Variants in IGSF21 observed in about 807,000 individuals in gnomAD.
The protein encoded by IGSF21 is immunoglobulin superfamily member 21.
IGSF21 carries 28 observed loss-of-function variants against 46.8 expected under a neutral mutation model. The ratio of observed to expected loss-of-function variants is 0.60; its 90% CI spans 0.44 to 0.82. The LOEUF (loss-of-function observed/expected upper bound fraction) is 0.82, where lower values mean the gene tolerates loss of function less well. Among genes scored for constraint, IGSF21 ranks in the 40% least tolerant of loss-of-function variants. The pLI, the probability that IGSF21 is intolerant of heterozygous loss-of-function variation, is 0.00. For missense variants in IGSF21, 624 were observed against 665.5 expected (o/e 0.94, Z 0.69); for synonymous variants, 284 against 273.6 (o/e 1.04, Z -0.38).
chr1:18,376,447 C>T lies in IGSF21; in HGVS notation c.1101+52C>T, dbSNP rs2297735. On this transcript the variant is annotated intron_variant, in intron 7 of 9. Coordinates refer to ENST00000251296, the MANE Select transcript of IGSF21 (RefSeq NM_032880.5). The stretch of plus-strand genomic sequence containing the variant: ...GGGTGGTGGGAGGTGGTAGAGGCAC[C>T]GACCCAGCACCAGCATTCCTGGCAG... The T allele has an allele frequency of 4.6e-4, 575 of 1,259,064 alleles. 4 individuals are homozygous for T. The East Asian group carries it at 0.012, about 27-fold the overall frequency. 78.0% of individuals were successfully genotyped at this position (1,259,064 alleles called of 1,614,324 possible). A position where few individuals can be genotyped will look rare whatever the true frequency, so the allele number is the denominator to read the frequency against.
intron 3 of IGSF21, among the ~76,000 whole-genome samples, chr1:18,304,025 G>A (rs2085387507): frequency 6.6e-6 from 1 of 152,192 alleles, no homozygotes; most frequent in Non-Finnish European, 1.5e-5. Flanking sequence ...GGGGTGGGGT[G>A]TGATGGGGCT....
chr1:18,213,359 A>C (rs552306715), intron 1 of IGSF21, among the ~76,000 whole-genome samples: 1 of 152,286 alleles, frequency 6.6e-6, no homozygotes, highest in African/African-American at 2.4e-5. Context: ...TATCTTATTC[A>C]TATCAGGGCT....
intron 1 of IGSF21, among the ~76,000 whole-genome samples, chr1:18,133,330 G>A (rs1017621835): frequency 6.6e-6 from 1 of 152,206 alleles, no homozygotes; most frequent in African/African-American, 2.4e-5. Flanking sequence ...CCATGTCACG[G>A]CTTCCCTGAT....
At chr1:18,177,392 GGTGTGTGTGTGTGTGT>G (rs3041401) in intron 1 of IGSF21, among the ~76,000 whole-genome samples, 11 of 125,076 alleles carry the variant, frequency 8.8e-5, no homozygotes, top group East Asian at 2.5e-4. Flanking sequence ...GGGTCAGTGA[GGTGTGTGTGTGTGTGT>G]GTGTGTGTGT....
chr1:18,235,878 A>G (rs2084668254), intron 2 of IGSF21, among the ~76,000 whole-genome samples: 2 of 152,166 alleles, frequency 1.3e-5, no homozygotes, highest in Non-Finnish European at 2.9e-5. Context: ...GGCAAGAGGC[A>G]ACAGTGGTTT....
chr1:18,174,744 G>A (rs1027000118), intron 1 of IGSF21, among the ~76,000 whole-genome samples: 4 of 152,202 alleles, frequency 2.6e-5, no homozygotes, highest in African/African-American at 7.2e-5. Context: ...CGTTTCCCCA[G>A]GGCTTGAGCC....
At chr1:18,285,959 C>T (rs933228687) in intron 2 of IGSF21, among the ~76,000 whole-genome samples, 32 of 152,174 alleles carry the variant, frequency 2.1e-4, no homozygotes, top group Admixed American at 1.7e-3. Flanking sequence ...TTCACTCTTA[C>T]GCACTGAATT....
At chr1:18,228,908 T>C (rs910592076) in intron 2 of IGSF21, among the ~76,000 whole-genome samples, 3 of 152,220 alleles carry the variant, frequency 2.0e-5, no homozygotes, top group Non-Finnish European at 4.4e-5. Context: ...AGACAGTGTG[T>C]AAATGAAAGG....
intron 2 of IGSF21, among the ~76,000 whole-genome samples, chr1:18,272,337 C>G (rs973092708): frequency 1.3e-5 from 2 of 152,074 alleles, no homozygotes; most frequent in Admixed American, 6.5e-5. Flanking sequence ...GGGGGGGACA[C>G]AGCGAAGCCA....
chr1:18,235,520 T>G (rs1192368129), intron 2 of IGSF21, among the ~76,000 whole-genome samples: 1 of 152,108 alleles, frequency 6.6e-6, no homozygotes, highest in Non-Finnish European at 1.5e-5. Context: ...AAACCTACCA[T>G]GCCAAGGGAA....
chr1:18,343,129 CT>C (rs1477924933), intron 4 of IGSF21, among the ~76,000 whole-genome samples: 1 of 152,158 alleles, frequency 6.6e-6, no homozygotes, highest in Admixed American at 6.5e-5. Flanking sequence ...TATAGCCATC[CT>C]AGTGGATCCT....
intron 1 of IGSF21, among the ~76,000 whole-genome samples, chr1:18,155,043 C>T (rs994787467): frequency 1.7e-4 from 26 of 152,048 alleles, no homozygotes; most frequent in Admixed American, 1.0e-3. Flanking sequence ...AAGAGGCCAG[C>T]GCTACTAGAT....
At chr1:18,307,007 G>A (rs1023650638) in intron 3 of IGSF21, among the ~76,000 whole-genome samples, 2 of 152,238 alleles carry the variant, frequency 1.3e-5, no homozygotes, top group African/African-American at 4.8e-5. Context: ...ATTCTCAGGG[G>A]AGTGGCCTGC....
intron 1 of IGSF21, among the ~76,000 whole-genome samples, chr1:18,173,684 G>A (rs1464000272): frequency 6.6e-6 from 1 of 152,204 alleles, no homozygotes; most frequent in Non-Finnish European, 1.5e-5. Flanking sequence ...GTAGTATTCT[G>A]TTATGAGGAA....
At chr1:18,241,348 G>A (rs561105916) in intron 2 of IGSF21, among the ~76,000 whole-genome samples, 3 of 152,278 alleles carry the variant, frequency 2.0e-5, no homozygotes, top group Admixed American at 1.3e-4. Flanking sequence ...CTCCCAGTAT[G>A]CACCCATAAG....
At chr1:18,145,339 C>A (rs1317508237) in intron 1 of IGSF21, among the ~76,000 whole-genome samples, 1 of 152,168 alleles carries the variant, frequency 6.6e-6, no homozygotes, top group Non-Finnish European at 1.5e-5. Flanking sequence ...AATTCACACT[C>A]CCTATAAACC....
chr1:18,291,760 G>A (rs1569741103), intron 2 of IGSF21, 106 bp from the exon 3 acceptor site: 2 of 1,365,358 alleles, frequency 1.5e-6, no homozygotes, highest in Non-Finnish European at 2.0e-6. Flanking sequence ...GATGGGGGCT[G>A]TCCTTCTTCT....
chr1:18,202,577 AAG>A (rs147654635), intron 1 of IGSF21, among the ~76,000 whole-genome samples: 368 of 147,294 alleles, frequency 2.5e-3, no homozygotes, highest in Non-Finnish European at 2.5e-3. Flanking sequence ...TGGCAGGAGA[AAG>A]AGAGAGAGAG....
At position 18,203,158 on chromosome 1, in the gene IGSF21, C is replaced by T. The variant is rs980204107; in HGVS notation, c.71-24740C>T. 2.0e-5 allele frequency among the ~76,000 whole-genome samples: 3 copies of T among 152,198 alleles called. No homozygotes were observed. The East Asian group carries it at 5.8e-4, about 29-fold the overall frequency. The stretch of plus-strand genomic sequence containing the variant: ...TCTTATCAATCTAGTTTTACTGAAA[C>T]CTCATGGTCCTTCCTGCTGAGCCCA... On this transcript the variant is annotated intron_variant, in intron 1 of 9. Transcript: ENST00000251296.
Sources: allele counts gnomAD v4.1 joint callset (sites outside exome capture counted in the v4.1 genomes callset), GRCh38; gene constraint gnomAD v4.1.1; transcripts MANE v1.5; gene names NCBI Gene and HGNC (gene_info 2026-07-23, HGNC 2026-07-21).